Variants in ATG10 observed in about 807,000 individuals in gnomAD.
ATG10 encodes the protein ubiquitin-like-conjugating enzyme ATG10.
Under a neutral mutation model 32.1 loss-of-function variants are expected in ATG10, and 30 were observed. That is an observed-to-expected ratio of 0.94 (90% CI 0.70 to 1.27). The LOEUF (loss-of-function observed/expected upper bound fraction) is 1.27. Ranked by LOEUF, ATG10 falls within the 50% of genes most tolerant of loss-of-function variation. The pLI is 0.00. For synonymous variants in ATG10, 87 were observed against 91.5 expected, an observed-to-expected ratio of 0.95 and a Z score of 0.28; for missense variants, 233 against 262.3, an observed-to-expected ratio of 0.89 and a Z score of 0.77.
intron 2 of ATG10, among the ~76,000 whole-genome samples, chr5:82,010,648 T>A (rs1762104123): frequency 6.6e-6 from 1 of 152,210 alleles, no homozygotes; most frequent in South Asian, 2.1e-4. Context: ...GATATTGATT[T>A]TACTAGGTAT....
intron 3 of ATG10, among the ~76,000 whole-genome samples, chr5:82,088,369 A>G (rs1764761728): frequency 6.6e-6 from 1 of 152,144 alleles, no homozygotes; most frequent in Non-Finnish European, 1.5e-5. Context: ...GAAGACTTGG[A>G]TATGTATTGA....
intron 5 of ATG10, among the ~76,000 whole-genome samples, chr5:82,200,700 G>T (rs1432719140): frequency 1.3e-5 from 2 of 150,496 alleles, no homozygotes; most frequent in Non-Finnish European, 1.5e-5. Flanking sequence ...TATTCTTATT[G>T]TTGGGTTTTG....
rs767646913 is a variant in ATG10, at chr5:82,058,590, T to A, written c.204T>A (p.Cys68Ter). Residue 68 changes from cysteine (C) to a stop codon, truncating the protein, a stop_gained, in exon 3 of 8, where the codon TGT becomes TGA. Transcript: ENST00000282185. LOFTEE classifies it high-confidence loss of function. ...HLGASTHGQT[C>*]LPMEEAFELP... ...GAGCATCTACCCATGGACAGACATG[T>A]CTTCCCATGGAGGTGAGTAGTTTAA... is the stretch of plus-strand genomic sequence containing the variant. 1 of 1,609,146 alleles carries A rather than the reference T, an allele frequency of 6.2e-7. No homozygotes were observed. The highest frequency in any genetic ancestry group is 1.1e-5 in the South Asian group (1 of 90,852).
rs1349096295 is a variant in ATG10 at position 82,164,460 on chromosome 5, T to C, written c.278T>C (p.Val93Ala). 1 of 1,613,754 alleles carries C rather than the reference T, an allele frequency of 6.2e-7. No individual in the cohort carries two copies. Among genetic ancestry groups the C allele is most frequent in the South Asian group, 1.1e-5 (1 of 91,080 alleles). ...ATTGAAACTGCAGCAGCGTCCGAAG[T>C]GATTAAATATGAGTATCATGTCTTA... ...EVIETAAASEVIKYEYHVLYS... is the reference protein window; with the variant it reads ...EVIETAAASEAIKYEYHVLYS... The change falls in exon 4 of 8, where the codon GTG becomes GCG. Residue 93 changes from valine (V) to alanine (A), a missense_variant. Physicochemically the swap from Val to Ala is moderately conservative, Grantham distance 64. Coordinates refer to ENST00000282185, the MANE Select transcript of ATG10 (RefSeq NM_031482.5).
intron 5 of ATG10, among the ~76,000 whole-genome samples, chr5:82,251,158 C>A (rs1261976550): frequency 1.3e-5 from 2 of 152,170 alleles, no homozygotes; most frequent in Non-Finnish European, 2.9e-5. Context: ...AATCTCCATA[C>A]CCAGTGTCAC....
intron 3 of ATG10, chr5:82,147,595 T>C (rs1767415632): frequency 6.6e-6 from 1 of 152,240 alleles, no homozygotes; most frequent in South Asian, 2.1e-4. Flanking sequence ...GGCATAGAAC[T>C]CAATTCAGCT....
At chr5:82,054,362 G>C (rs1581640826) in intron 2 of ATG10, among the ~76,000 whole-genome samples, 3 of 152,146 alleles carry the variant, frequency 2.0e-5, no homozygotes, top group Admixed American at 2.0e-4. Context: ...GGAGGTCTGG[G>C]GTGAGGCTTG....
intron 2 of ATG10, among the ~76,000 whole-genome samples, chr5:82,049,339 A>G: frequency 7.0e-6 from 1 of 143,298 alleles, no homozygotes; most frequent in Admixed American, 7.5e-5. Flanking sequence ...ATAGGTGGGA[A>G]TTGAACAATG....
rs1414809678 is a variant in ATG10 at position 82,255,283 on chromosome 5, TATA to T, written c.*1221_*1223del. 2.0e-5 allele frequency: 3 copies of T among 152,204 alleles called. No individual in the cohort carries two copies. The highest frequency in any genetic ancestry group is 4.4e-5 in the Non-Finnish European group (3 of 68,038). The allele number at this position is 152,204 out of a possible 1,614,324, so 9.4% of individuals were successfully genotyped here. ...TGCATGATAAGATATTGTAAAGTAT[TATA>T]CGAATATTCATTAAATGCTCACCTT... is the stretch of plus-strand genomic sequence containing the variant. On this transcript the variant is annotated 3_prime_UTR_variant, in exon 8 of 8. Coordinates refer to ENST00000282185, the MANE Select transcript of ATG10 (RefSeq NM_031482.5).
chr5:82,181,572 G>A (rs1744233239), intron 5 of ATG10, among the ~76,000 whole-genome samples: 1 of 152,100 alleles, frequency 6.6e-6, no homozygotes, highest in African/African-American at 2.4e-5. Context: ...TACAGCACTA[G>A]GGAAGAATGG....
chr5:82,029,808 G>A (rs1362375903), intron 2 of ATG10, among the ~76,000 whole-genome samples: 2 of 151,972 alleles, frequency 1.3e-5, no homozygotes, highest in Non-Finnish European at 2.9e-5. Flanking sequence ...CCTATTTTTT[G>A]TGAAAAAATA....
chr5:81,988,699 G>A (rs1302760458), intron 2 of ATG10, among the ~76,000 whole-genome samples: 1 of 152,072 alleles, frequency 6.6e-6, no homozygotes, highest in Admixed American at 6.6e-5. Flanking sequence ...CTCCCAAAGT[G>A]CTGGGATTAC....
chr5:82,100,164 A>G (rs553890038), intron 3 of ATG10, among the ~76,000 whole-genome samples: 29 of 151,536 alleles, frequency 1.9e-4, no homozygotes, highest in African/African-American at 7.0e-4. Context: ...GCCTGCCACC[A>G]CACCCAGCTA....
At chr5:82,051,273 A>C (rs763583064) in intron 2 of ATG10, among the ~76,000 whole-genome samples, 7 of 152,174 alleles carry the variant, frequency 4.6e-5, no homozygotes, top group Non-Finnish European at 1.0e-4. Context: ...GGCTGAATGC[A>C]TCCAGAAGGC....
At chr5:82,112,351 G>A (rs1429471830) in intron 3 of ATG10, among the ~76,000 whole-genome samples, 2 of 151,794 alleles carry the variant, frequency 1.3e-5, no homozygotes, top group Non-Finnish European at 2.9e-5. Flanking sequence ...ATTTGAGGGG[G>A]CTTTGAATCT....
intron 5 of ATG10, among the ~76,000 whole-genome samples, chr5:82,191,192 A>G (rs1222940663): frequency 1.3e-5 from 2 of 152,224 alleles, no homozygotes; most frequent in Non-Finnish European, 2.9e-5. Flanking sequence ...TCAACTTAAC[A>G]CTGAAGTTAC....
intron 5 of ATG10, chr5:82,242,927 T>G (rs1044391222): frequency 9.4e-6 from 4 of 425,156 alleles, no homozygotes; most frequent in African/African-American, 8.2e-5. Context: ...TTAACAAACA[T>G]TGAGCTATAA....
chr5:82,034,843 G>A (rs896861305), intron 2 of ATG10, among the ~76,000 whole-genome samples: 3 of 152,050 alleles, frequency 2.0e-5, no homozygotes, highest in Non-Finnish European at 4.4e-5. Flanking sequence ...CCCACCCTAC[G>A]TAAAATAGCA....
In ATG10 at chr5:82,048,522, G is replaced by T. The variant is rs1343459210; in HGVS notation, c.109-9973G>T. The stretch of plus-strand genomic sequence containing the variant: ...TCAGGTCTAAAACACCAAAAGCAAT[G>T]GCAACAAAAGCCAAAATTGACAAAT... On this transcript the variant is annotated intron_variant, in intron 2 of 7. Transcript: ENST00000282185. Among the ~76,000 whole-genome samples, 24 of 152,224 alleles carry T rather than the reference G, an allele frequency of 1.6e-4. No individual in the cohort carries two copies. In the East Asian group the frequency reaches 4.4e-3, roughly 28 times the overall value.
Sources: allele counts gnomAD v4.1 joint callset (sites outside exome capture counted in the v4.1 genomes callset), GRCh38; gene constraint gnomAD v4.1.1; transcripts MANE v1.5; gene names NCBI Gene and HGNC (gene_info 2026-07-23, HGNC 2026-07-21).